MLIP: variants seen among roughly 807,000 people sequenced by gnomAD.
The protein encoded by MLIP is muscular LMNA-interacting protein.
Under a neutral mutation model 84.8 loss-of-function variants are expected in MLIP, and 79 were observed. The observed-to-expected ratio is 0.93, with a 90% CI of 0.78 to 1.12. The LOEUF (loss-of-function observed/expected upper bound fraction) is 1.12. Among genes scored for constraint, MLIP ranks in the 50% most tolerant of loss-of-function variants. The pLI is 0.00. For missense variants in MLIP, 1,257 were observed against 1,160.6 expected (o/e 1.08, Z -1.21); for synonymous variants, 504 against 463.0 (o/e 1.09, Z -1.14).
At chr6:54,265,002 C>G (rs945025461) in intron 13 of MLIP, among the ~76,000 whole-genome samples, 1 of 152,106 alleles carries the variant, frequency 6.6e-6, no homozygotes, top group Non-Finnish European at 1.5e-5. Flanking sequence ...GGAGCCAGCT[C>G]TAAGTCACCA....
intron 1 of MLIP, among the ~76,000 whole-genome samples, chr6:54,019,417 C>A (rs906540734): frequency 2.6e-5 from 4 of 152,082 alleles, no homozygotes; most frequent in Admixed American, 2.0e-4. Flanking sequence ...GTATGCGAAG[C>A]TTAGCGAGTG....
chr6:54,119,202 C>G (rs149079200), intron 1 of MLIP, among the ~76,000 whole-genome samples: 2 of 152,058 alleles, frequency 1.3e-5, no homozygotes, highest in Non-Finnish European at 2.9e-5. Context: ...TATAGCCAAA[C>G]GAAATGAAAT....
intron 10 of MLIP, among the ~76,000 whole-genome samples, chr6:54,200,733 A>C (rs1778622396): frequency 6.6e-6 from 1 of 152,068 alleles, no homozygotes; most frequent in South Asian, 2.1e-4. Flanking sequence ...CCTTGAGAAA[A>C]ATCAGAGTTT....
intron 8 of MLIP, among the ~76,000 whole-genome samples, chr6:54,162,479 G>A (rs1342829): frequency 0.64 from 97,285 of 151,768 alleles, 32,699 homozygotes; most frequent in East Asian, 0.91. Context: ...GGGAGACATA[G>A]AACCATGGTG....
At chr6:54,225,396 T>C (rs750726716) in intron 11 of MLIP, among the ~76,000 whole-genome samples, 10 of 152,186 alleles carry the variant, frequency 6.6e-5, no homozygotes, top group Non-Finnish European at 1.5e-4. Flanking sequence ...TATCTAAACA[T>C]TGAAAAGATT....
At chr6:54,217,110 A>G (rs1779907049) in intron 11 of MLIP, 1 of 985,488 alleles carries the variant, frequency 1.0e-6, no homozygotes, top group South Asian at 4.7e-5. Flanking sequence ...GATGGAAGAC[A>G]GGATGGAGTG....
At chr6:54,166,861 A>G (rs149621969) in intron 8 of MLIP, among the ~76,000 whole-genome samples, 1 of 152,124 alleles carries the variant, frequency 6.6e-6, no homozygotes, top group East Asian at 1.9e-4. Context: ...ATATGCATAC[A>G]AATAAAATCT....
intron 1 of MLIP, among the ~76,000 whole-genome samples, chr6:54,021,891 G>A (rs1405433941): frequency 6.6e-6 from 1 of 152,162 alleles, no homozygotes; most frequent in Non-Finnish European, 1.5e-5. Flanking sequence ...GACTTAAAAG[G>A]ACATTTCCAC....
chr6:54,121,034 T>C (rs1770406839), intron 1 of MLIP, among the ~76,000 whole-genome samples: 1 of 152,222 alleles, frequency 6.6e-6, no homozygotes, highest in African/African-American at 2.4e-5. Context: ...TGTGGGGATT[T>C]TCTTGCATGC....
In MLIP at chr6:54,116,024, AG is replaced by A. The variant is rs1189901972; in HGVS notation, c.96+4452del. ...GTGAAAAGGTTTTGAGAGTTGGAGC[AG>A]GGTGCAAGATGGGAACAGAACTAGG... On this transcript the variant is annotated intron_variant, in intron 1 of 13. Coordinates refer to ENST00000502396, the MANE Select transcript of MLIP (RefSeq NM_001281747.2). Among the ~76,000 whole-genome samples, 5 of 152,212 alleles carry A rather than the reference AG, an allele frequency of 3.3e-5. No individual in the cohort carries two copies. The East Asian group carries it at 9.6e-4, about 29-fold the overall frequency.
rs1299514941 is a variant in MLIP at position 54,100,304 on chromosome 6, G to GA, written c.64-21143_64-21142insA. On this transcript the variant is annotated intron_variant, in intron 1 of 12. Transcript: ENST00000274897. ...GACAAGCTTGATAAGTACATAAAGTGCTTTTTTTCTGGTAAGATGATTGCT... is the reference window on the plus strand; with the variant it reads ...GACAAGCTTGATAAGTACATAAAGTGACTTTTTTTCTGGTAAGATGATTGCT... 0.017 allele frequency among the ~76,000 whole-genome samples: 90 copies of GA among 5,188 alleles called. No individual in the cohort carries two copies. The East Asian group carries it at 0.36, about 21-fold the overall frequency. The allele number at this position is 5,188 out of a possible 152,430, so 3.4% of individuals were successfully genotyped here. A position where few individuals can be genotyped will look rare whatever the true frequency, so the allele number is the denominator to read the frequency against.
intron 12 of MLIP, among the ~76,000 whole-genome samples, chr6:54,248,781 T>G (rs565925928): frequency 6.6e-6 from 1 of 152,244 alleles, no homozygotes; most frequent in Non-Finnish European, 1.5e-5. Context: ...CTATGTTTTC[T>G]TATTAGTATT....
intron 1 of MLIP, among the ~76,000 whole-genome samples, chr6:54,071,967 A>G (rs1162315018): frequency 6.6e-6 from 1 of 152,210 alleles, no homozygotes; most frequent in Non-Finnish European, 1.5e-5. Flanking sequence ...TGTTCCACAG[A>G]TAACAGCTTG....
At chr6:54,095,535 C>G (rs1561925700) in intron 1 of MLIP, among the ~76,000 whole-genome samples, 1 of 152,062 alleles carries the variant, frequency 6.6e-6, no homozygotes, top group Non-Finnish European at 1.5e-5. Flanking sequence ...CTTCCAATCC[C>G]TTTCTGACTC....
At chr6:54,109,920 TCTTTCTTC>T (rs1554150484), upstream of MLIP, among the ~76,000 whole-genome samples, 13 of 52,156 alleles carry the variant, frequency 2.5e-4, no homozygotes, top group East Asian at 5.4e-3. Flanking sequence ...TTTCTTTCTT[TCTTTCTTC>T]CTTCCTTCCT....
At chr6:54,074,529 G>T (rs1248566717) in intron 1 of MLIP, among the ~76,000 whole-genome samples, 2 of 152,162 alleles carry the variant, frequency 1.3e-5, no homozygotes, top group African/African-American at 4.8e-5. Flanking sequence ...TTTGCGGTAA[G>T]AAGGTCAGCA....
At chr6:54,259,485 C>G (rs1419770874) in intron 13 of MLIP, among the ~76,000 whole-genome samples, 5 of 151,766 alleles carry the variant, frequency 3.3e-5, no homozygotes. Context: ...ACAGCCAGTT[C>G]AGATAATAAA....
At chr6:54,190,779 T>C (rs1025903911) in intron 10 of MLIP, among the ~76,000 whole-genome samples, 1 of 151,864 alleles carries the variant, frequency 6.6e-6, no homozygotes, top group African/African-American at 2.4e-5. Context: ...TCCGAGATAT[T>C]ACTGGTCAAA....
chr6:54,026,435 CTTAA>C, intron 1 of MLIP, among the ~76,000 whole-genome samples: 1 of 152,304 alleles, frequency 6.6e-6, no homozygotes, highest in Non-Finnish European at 1.5e-5. Flanking sequence ...ATAATTCCAT[CTTAA>C]TTTCTTTCTG....
Sources: allele counts gnomAD v4.1 joint callset (sites outside exome capture counted in the v4.1 genomes callset), GRCh38; gene constraint gnomAD v4.1.1; transcripts MANE v1.5; gene names NCBI Gene and HGNC (gene_info 2026-07-23, HGNC 2026-07-21).